Variants in CALD1 observed in about 807,000 individuals in gnomAD.
CALD1 encodes caldesmon 1, also known as caldesmon.
CALD1 carries 33 observed loss-of-function variants against 99.9 expected under a neutral mutation model. The ratio of observed to expected loss-of-function variants is 0.33; its 90% CI spans 0.25 to 0.44. CALD1 has a LOEUF of 0.44. Ranked by LOEUF, CALD1 falls within the 20% of genes least tolerant of loss-of-function variation. CALD1 has a pLI of 1.00. For synonymous variants in CALD1, 310 were observed against 325.0 expected (o/e 0.95, Z 0.50); for missense variants, 861 against 962.1 (o/e 0.89, Z 1.39).
At chr7:134,810,466 G>A (rs111336038) in intron 1 of CALD1, among the ~76,000 whole-genome samples, 129 of 152,264 alleles carry the variant, frequency 8.5e-4, no homozygotes, top group Non-Finnish European at 1.6e-3. Flanking sequence ...CATGCATGCT[G>A]TTTTTCAAAG....
chr7:134,766,168 T>C (rs1796825122), intron 1 of CALD1, among the ~76,000 whole-genome samples: 1 of 133,508 alleles, frequency 7.5e-6, no homozygotes, highest in South Asian at 2.5e-4. Context: ...TTTTTTTTTT[T>C]TGAGAGGGAG....
Position 134,840,772 on chromosome 7 carries a change from G to T in CALD1, c.-129-3112G>T, listed in dbSNP as rs376138707. ...TGTCATTTATTAACTGTGTGACAAT[G>T]AATCTTACTTCCAAGTGGGGATAAT... On this transcript the variant is annotated intron_variant, in intron 1 of 14. Coordinates refer to ENST00000361675, the MANE Select transcript of CALD1 (RefSeq NM_033138.4). Among the ~76,000 whole-genome samples, 5 of 152,280 alleles carry T rather than the reference G, an allele frequency of 3.3e-5. No individual in the cohort carries two copies. The East Asian group carries it at 9.6e-4, about 29-fold the overall frequency.
chr7:134,965,108 T>C (rs1293419411), intron 13 of CALD1, 198 bp from the exon 14 acceptor site: 4 of 460,392 alleles, frequency 8.7e-6, no homozygotes, highest in African/African-American at 2.0e-5. Flanking sequence ...AGAGTGAGAC[T>C]CTGTCTCAAA....
chr7:134,878,841 G>A (rs1801467671), intron 3 of CALD1, among the ~76,000 whole-genome samples: 1 of 151,890 alleles, frequency 6.6e-6, no homozygotes, highest in East Asian at 1.9e-4. Flanking sequence ...GGTAGTGTGT[G>A]CCTGTAGTAC....
intron 1 of CALD1, among the ~76,000 whole-genome samples, chr7:134,820,375 C>A (rs971042466): frequency 2.0e-5 from 3 of 152,162 alleles, no homozygotes; most frequent in African/African-American, 7.2e-5. Context: ...AAAATAAAAT[C>A]TAGGAGAAAT....
intron 1 of CALD1, among the ~76,000 whole-genome samples, chr7:134,829,971 C>T (rs568384800): frequency 3.3e-5 from 5 of 152,142 alleles, no homozygotes; most frequent in Admixed American, 2.6e-4. Context: ...TGAAATGATT[C>T]CCAAGTCCGG....
In CALD1 at chr7:134,934,945, G is replaced by A. The variant is rs374485311; in HGVS notation, c.1309-743G>A. Among the ~76,000 whole-genome samples, 25 of 152,092 alleles carry A rather than the reference G, an allele frequency of 1.6e-4. No homozygotes were observed. The East Asian group carries it at 1.9e-3, about 12-fold the overall frequency. On this transcript the variant is annotated intron_variant, in intron 5 of 14. Transcript: ENST00000361675. ...CCCCTGGAAATTAACTGGTAATAAA[G>A]AGGGGGAAAGGAACTGGTTGGAAAC...
At chr7:134,743,418 T>C (rs922475545), upstream of CALD1, among the ~76,000 whole-genome samples, 6 of 152,234 alleles carry the variant, frequency 3.9e-5, no homozygotes, top group African/African-American at 1.4e-4. Flanking sequence ...AGTTTTGTTA[T>C]ACTTTGAAGT....
chr7:134,776,451 G>C (rs1275701986), upstream of CALD1, among the ~76,000 whole-genome samples: 1 of 151,848 alleles, frequency 6.6e-6, no homozygotes, highest in Non-Finnish European at 1.5e-5. Flanking sequence ...TATATCAGTG[G>C]ATCTTCAGAT....
chr7:134,817,190 C>T (rs1798595540), intron 1 of CALD1, among the ~76,000 whole-genome samples: 1 of 152,096 alleles, frequency 6.6e-6, no homozygotes, highest in Admixed American at 6.6e-5. Context: ...TACAAGACTA[C>T]CTTAAAAGAA....
the CALD1 span, among the ~76,000 whole-genome samples, chr7:134,730,133 G>A: frequency 6.6e-6 from 1 of 151,946 alleles, no homozygotes; most frequent in Non-Finnish European, 1.5e-5. Context: ...TTCAGCAAAA[G>A]GCCTGAATCC....
rs1800866383 is a variant in CALD1 at position 134,867,731 on chromosome 7, A to G, written c.-3A>G. 1 of 1,599,176 alleles carries G rather than the reference A, an allele frequency of 6.3e-7. No individual in the cohort carries two copies. The highest frequency in any genetic ancestry group is 8.6e-7 in the Non-Finnish European group (1 of 1,168,704). On this transcript the variant is annotated 5_prime_UTR_variant, in exon 3 of 15. Coordinates refer to ENST00000361675, the MANE Select transcript of CALD1 (RefSeq NM_033138.4). ...CTGGTCTCCCTGAACCTGAAATCACACCATGGATGATTTTGAGCGTCGCAG... is the reference window on the plus strand; with the variant it reads ...CTGGTCTCCCTGAACCTGAAATCACGCCATGGATGATTTTGAGCGTCGCAG...
At chr7:134,937,795 C>A (rs1404192567) in intron 6 of CALD1, among the ~76,000 whole-genome samples, 1 of 152,184 alleles carries the variant, frequency 6.6e-6, no homozygotes, top group African/African-American at 2.4e-5. Flanking sequence ...TCTTAAAAAA[C>A]ACACAAAATA....
At chr7:134,928,131 CT>C in intron 3 of CALD1, 1 of 295,986 alleles carries the variant, frequency 3.4e-6, no homozygotes, top group Non-Finnish European at 7.0e-6. Flanking sequence ...CTTTGGGTCC[CT>C]TCTTCTAAAT....
At chr7:134,759,716 C>T (rs948847507) in intron 1 of CALD1, among the ~76,000 whole-genome samples, 7 of 152,208 alleles carry the variant, frequency 4.6e-5, no homozygotes, top group African/African-American at 1.7e-4. Flanking sequence ...ATGAACCATT[C>T]ATCCTACCAT....
In CALD1 at chr7:134,957,036, T is replaced by G. The variant is rs201868862; in HGVS notation, c.1936-1033T>G. ...CTCATCAAAGACTACTAACTGCTGA[T>G]TTTTTCTATGTCCAACCCTGTTTCT... On this transcript the variant is annotated intron_variant, in intron 9 of 14. Transcript: ENST00000361675. 4.6e-5 allele frequency among the ~76,000 whole-genome samples: 7 copies of G among 152,316 alleles called. No individual in the cohort carries two copies. The East Asian group carries it at 1.4e-3, about 29-fold the overall frequency.
chr7:134,941,171 C>T lies in CALD1; in HGVS notation c.1466C>T (p.Thr489Ile). 1 of 1,612,698 alleles carries T rather than the reference C, an allele frequency of 6.2e-7. No individual in the cohort carries two copies. The highest frequency in any genetic ancestry group is 8.5e-7 in the Non-Finnish European group (1 of 1,179,286). The part of the protein sequence containing the change: ...KSFMDRKKGF[T>I]EVKSQNGEFM... ...TTCATGGATCGAAAGAAGGGATTTA[C>T]AGAAGTTAAGTCGCAGAATGGAGAA... The change falls in exon 7 of 15, where the codon ACA becomes ATA. Residue 489 changes from threonine to isoleucine, a missense_variant. Around this residue, in one of 5 missense-constraint regions of CALD1, gnomAD observed 293 missense variants for 262.7 expected, o/e 1.12. Coordinates refer to ENST00000361675, the MANE Select transcript of CALD1 (RefSeq NM_033138.4).
At chr7:134,854,554 A>T (rs1800218669) in intron 2 of CALD1, among the ~76,000 whole-genome samples, 1 of 151,992 alleles carries the variant, frequency 6.6e-6, no homozygotes, top group Non-Finnish European at 1.5e-5. Context: ...ACACACTCAC[A>T]TTCATTTGGC....
At chr7:134,881,795 T>G (rs957191635) in intron 3 of CALD1, among the ~76,000 whole-genome samples, 3 of 152,160 alleles carry the variant, frequency 2.0e-5, no homozygotes, top group African/African-American at 7.2e-5. Flanking sequence ...GCCCGTCACC[T>G]CTGGAGAGGG....
Sources: allele counts gnomAD v4.1 joint callset (sites outside exome capture counted in the v4.1 genomes callset), GRCh38; gene constraint gnomAD v4.1.1; regional missense constraint gnomAD v4.1.1; transcripts MANE v1.5; gene names NCBI Gene and HGNC (gene_info 2026-07-23, HGNC 2026-07-21).